Variants in SMOC2 observed in about 807,000 individuals in gnomAD.
SMOC2 encodes SPARC-related modular calcium-binding protein 2.
In SMOC2, 39 loss-of-function variants were observed where a neutral mutation model predicts 61.4. The observed-to-expected ratio is 0.64, with a 90% CI of 0.49 to 0.83. The LOEUF (loss-of-function observed/expected upper bound fraction) is 0.83, where lower values mean the gene tolerates loss of function less well. Ranked by LOEUF, SMOC2 falls within the 40% of genes least tolerant of loss-of-function variation. The pLI is 0.00. For missense variants in SMOC2, 556 were observed against 592.9 expected (o/e 0.94, Z 0.65); for synonymous variants, 247 against 239.9 (o/e 1.03, Z -0.27).
chr6:168,495,904 G>A (rs548689179), intron 1 of SMOC2, among the ~76,000 whole-genome samples: 260 of 152,342 alleles, frequency 1.7e-3, no homozygotes, highest in Middle Eastern at 3.4e-3. Flanking sequence ...ACCGATGAGC[G>A]GTCAGGGCCG....
chr6:168,646,641 G>A (rs891433493), intron 9 of SMOC2, among the ~76,000 whole-genome samples: 4 of 152,152 alleles, frequency 2.6e-5, no homozygotes, highest in Non-Finnish European at 5.9e-5. Flanking sequence ...TGCTTTTAAA[G>A]CATCAGAATA....
chr6:168,664,248 C>T, intron 12 of SMOC2, 137 bp downstream of exon 12: 1 of 766,542 alleles, frequency 1.3e-6, no homozygotes, highest in Non-Finnish European at 2.2e-6. Flanking sequence ...GGGAGGCAAG[C>T]TTACTGACTA....
chr6:168,459,521 G>T (rs926369329), intron 1 of SMOC2, among the ~76,000 whole-genome samples: 7 of 151,934 alleles, frequency 4.6e-5, no homozygotes, highest in Admixed American at 3.3e-4. Flanking sequence ...AGCAGAACTT[G>T]GGTCTGTAGC....
intron 9 of SMOC2, among the ~76,000 whole-genome samples, chr6:168,641,199 A>C (rs1786883067): frequency 6.6e-6 from 1 of 152,086 alleles, no homozygotes. Context: ...TGCACAGAAC[A>C]CCTCCTTAAA....
At chr6:168,557,305 G>A (rs376181442) in intron 7 of SMOC2, among the ~76,000 whole-genome samples, 20 of 152,218 alleles carry the variant, frequency 1.3e-4, no homozygotes, top group African/African-American at 4.8e-4. Context: ...GACTGTAAAA[G>A]TGTATTGTTT....
intron 9 of SMOC2, among the ~76,000 whole-genome samples, chr6:168,649,895 G>C (rs1787149391): frequency 6.6e-6 from 1 of 152,296 alleles, no homozygotes; most frequent in African/African-American, 2.4e-5. Context: ...CACCGGGAAC[G>C]GTCTCAGGAG....
intron 7 of SMOC2, among the ~76,000 whole-genome samples, chr6:168,585,315 C>A (rs372811806): frequency 5.1e-4 from 77 of 152,242 alleles, no homozygotes; most frequent in African/African-American, 1.8e-3. Flanking sequence ...CATAAGTACC[C>A]CTTTGTTCCT....
At chr6:168,548,067 A>C (rs889558170) in intron 6 of SMOC2, among the ~76,000 whole-genome samples, 1 of 152,220 alleles carries the variant, frequency 6.6e-6, no homozygotes, top group African/African-American at 2.4e-5. Flanking sequence ...TTTAAGGGCA[A>C]AGTGTAAGGA....
At chr6:168,646,049 T>C (rs1162477732) in intron 9 of SMOC2, among the ~76,000 whole-genome samples, 1 of 152,238 alleles carries the variant, frequency 6.6e-6, no homozygotes, top group Non-Finnish European at 1.5e-5. Flanking sequence ...TTCTCATCTA[T>C]ACCAGTTTCC....
chr6:168,623,928 G>A (rs1003205354), intron 9 of SMOC2, among the ~76,000 whole-genome samples: 4 of 152,194 alleles, frequency 2.6e-5, no homozygotes, highest in Admixed American at 6.5e-5. Flanking sequence ...AGGAGGGAGA[G>A]AGGCGCGCTC....
intron 7 of SMOC2, among the ~76,000 whole-genome samples, chr6:168,587,958 A>G (rs1227330467): frequency 2.0e-5 from 3 of 149,228 alleles, no homozygotes; most frequent in Admixed American, 6.7e-5. Context: ...TTCATTTCTC[A>G]TAGCTCTGGA....
chr6:168,472,054 C>T (rs1189494456), intron 1 of SMOC2, among the ~76,000 whole-genome samples: 1 of 152,326 alleles, frequency 6.6e-6, no homozygotes, highest in African/African-American at 2.4e-5. Flanking sequence ...CATTTTGATG[C>T]AGTCCAGTTT....
chr6:168,498,547 G>T (rs556225365), intron 1 of SMOC2, among the ~76,000 whole-genome samples: 54 of 152,356 alleles, frequency 3.5e-4, no homozygotes, highest in African/African-American at 1.3e-3. Context: ...CATTGGGGTT[G>T]TCTGTGTCCC....
rs1004590466 is a variant in SMOC2 at position 168,556,122 on chromosome 6, G to A, written c.637+6919G>A. 3.3e-5 allele frequency among the ~76,000 whole-genome samples: 5 copies of A among 152,134 alleles called. No individual in the cohort carries two copies. The South Asian group carries it at 1.0e-3, about 32-fold the overall frequency. On this transcript the variant is annotated intron_variant, in intron 7 of 12. Coordinates refer to ENST00000356284, the MANE Select transcript of SMOC2 (RefSeq NM_001166412.2). ...TCCACGTCCAGGCCTTCCCCTCCCC[G>A]CACGGGGAAGCTGAAGTGTTCCCGG...
At chr6:168,633,485 C>T (rs1472766737) in intron 9 of SMOC2, among the ~76,000 whole-genome samples, 4 of 151,970 alleles carry the variant, frequency 2.6e-5, no homozygotes, top group African/African-American at 2.4e-5. Flanking sequence ...GCCCTTGGCT[C>T]TCATGCACAA....
chr6:168,585,926 C>A (rs1391197381), intron 7 of SMOC2, among the ~76,000 whole-genome samples: 1 of 152,180 alleles, frequency 6.6e-6, no homozygotes, highest in Non-Finnish European at 1.5e-5. Flanking sequence ...TTAGGGATCT[C>A]TTCTCCCAGT....
At chr6:168,629,038 G>T (rs542905041) in intron 9 of SMOC2, among the ~76,000 whole-genome samples, 119 of 152,348 alleles carry the variant, frequency 7.8e-4, no homozygotes, top group African/African-American at 2.6e-3. Context: ...CCTCTTTTCA[G>T]CTCTCTCTTC....
At position 168,481,640 on chromosome 6, in the gene SMOC2, T is replaced by C. The variant is rs148240432; in HGVS notation, c.85-28275T>C. On this transcript the variant is annotated intron_variant, in intron 1 of 12. Coordinates refer to ENST00000356284, the MANE Select transcript of SMOC2 (RefSeq NM_001166412.2). The stretch of plus-strand genomic sequence containing the variant: ...CCTTATAAGATATGTAAGAAATAAA[T>C]AGAAAAATGACCAAAGTACATCCCT... Among the ~76,000 whole-genome samples, 3 of 151,974 alleles carry C rather than the reference T, an allele frequency of 2.0e-5. No individual in the cohort carries two copies. In the East Asian group the frequency reaches 5.8e-4, roughly 29 times the overall value.
chr6:168,497,389 A>T (rs1782617480), intron 1 of SMOC2, among the ~76,000 whole-genome samples: 3 of 152,208 alleles, frequency 2.0e-5, no homozygotes, highest in African/African-American at 7.2e-5. Flanking sequence ...GGCAAAGGGG[A>T]TCCAGCTCTT....
Sources: gnomAD v4.1 joint callset for allele counts (sites outside exome capture counted in the v4.1 genomes callset) on GRCh38, gnomAD v4.1.1 for gene constraint, MANE v1.5 for transcripts, NCBI Gene and HGNC (gene_info 2026-07-23, HGNC 2026-07-21) for gene names.